Variants in CNKSR2 observed in about 807,000 individuals in gnomAD.
CNKSR2 encodes connector enhancer of kinase suppressor of Ras 2.
A neutral mutation model predicts 84.4 loss-of-function variants in CNKSR2; 14 were observed. That is an observed-to-expected ratio of 0.17 (90% CI 0.11 to 0.26). The LOEUF (loss-of-function observed/expected upper bound fraction) is 0.26. Ranked by LOEUF, CNKSR2 falls within the 10% of genes least tolerant of loss-of-function variation. The pLI, the probability that CNKSR2 is intolerant of heterozygous loss-of-function variation, is 1.00. For synonymous variants in CNKSR2, 275 were observed against 277.9 expected, an observed-to-expected ratio of 0.99 and a Z score of 0.10; for missense variants, 485 against 771.2, an observed-to-expected ratio of 0.63 and a Z score of 4.40.
intron 1 of CNKSR2, among the ~76,000 whole-genome samples, chrX:21,395,485 G>A (rs998552410): frequency 6.4e-5 from 7 of 109,575 alleles, no homozygotes; most frequent in African/African-American, 1.7e-4. Flanking sequence ...TGGGATGATC[G>A]GCTCTGAGCC....
chrX:21,509,650 A>C (rs748012786), intron 8 of CNKSR2, among the ~76,000 whole-genome samples: 1 of 111,916 alleles, frequency 8.9e-6, no homozygotes, highest in South Asian at 3.7e-4. Context: ...TGTTCAGTGA[A>C]TAAATGACTG....
At chrX:21,541,507 T>G (rs759407338) in intron 11 of CNKSR2, among the ~76,000 whole-genome samples, 22 of 111,717 alleles carry the variant, frequency 2.0e-4, no homozygotes, top group Admixed American at 1.4e-3. Flanking sequence ...AAACTGGGAC[T>G]TTAAGCAAAA....
chrX:21,563,341 G>A lies in CNKSR2; in HGVS notation c.1497G>A (p.Lys499=), dbSNP rs144866575. ...KKDTGKKSKK[K]GDKSNSPTHY... The stretch of plus-strand genomic sequence containing the variant: ...ACACAGGGAAGAAGTCAAAAAAGAA[G>A]GGTGATAAGAGTAATAGCCCAACTC... Residue 499 remains lysine, a synonymous_variant, in exon 13 of 22, where the codon AAG becomes AAA. Transcript: ENST00000379510. The A allele has an allele frequency of 6.7e-4, 806 of 1,208,145 alleles. 2 individuals are homozygous for A. In the African/African-American group the frequency reaches 0.013, roughly 19 times the overall value.
intron 11 of CNKSR2, among the ~76,000 whole-genome samples, chrX:21,540,642 T>C (rs185131826): frequency 1.3e-4 from 15 of 112,288 alleles, no homozygotes; most frequent in African/African-American, 4.8e-4. Context: ...GTAAGTCTTT[T>C]ATCCTTAGAG....
At chrX:21,421,067 G>C (rs1188565969) in intron 1 of CNKSR2, among the ~76,000 whole-genome samples, 1 of 111,421 alleles carries the variant, frequency 9.0e-6, no homozygotes, top group African/African-American at 3.3e-5. Context: ...CCAACTGCCA[G>C]GATTGATGAT....
intron 8 of CNKSR2, among the ~76,000 whole-genome samples, chrX:21,509,987 C>T (rs887270602): frequency 1.8e-5 from 2 of 111,321 alleles, no homozygotes; most frequent in Non-Finnish European, 3.8e-5. Context: ...TATGTCAGCA[C>T]CAAAAAATTT....
chrX:21,446,047 A>G (rs2090850276), intron 4 of CNKSR2, among the ~76,000 whole-genome samples: 1 of 111,781 alleles, frequency 8.9e-6, no homozygotes, highest in African/African-American at 3.2e-5. Flanking sequence ...ACAAATTTAC[A>G]TTCATACCAA....
intron 1 of CNKSR2, chrX:21,424,294 C>G (rs1372795706): frequency 8.9e-6 from 1 of 111,929 alleles, no homozygotes; most frequent in Non-Finnish European, 1.9e-5. Context: ...TTCTCTTTGC[C>G]TTATTCTAAT....
intron 17 of CNKSR2, among the ~76,000 whole-genome samples, chrX:21,598,897 A>C (rs1290587307): frequency 1.8e-5 from 2 of 112,586 alleles, no homozygotes; most frequent in Admixed American, 1.9e-4. Context: ...AATAACCTAA[A>C]ATATTAAATT....
At chrX:21,623,258 A>G (rs1002849316) in intron 20 of CNKSR2, among the ~76,000 whole-genome samples, 17 of 111,363 alleles carry the variant, frequency 1.5e-4, no homozygotes, top group African/African-American at 5.5e-4. Context: ...TTGCATTCAG[A>G]CTTCTTCATT....
chrX:21,589,132 T>C (rs1333798855), intron 13 of CNKSR2, among the ~76,000 whole-genome samples: 1 of 111,931 alleles, frequency 8.9e-6, no homozygotes, highest in African/African-American at 3.2e-5. Context: ...TGTATGTGTG[T>C]ACACACACAC....
intron 1 of CNKSR2, among the ~76,000 whole-genome samples, chrX:21,411,734 C>T (rs2090348441): frequency 9.0e-6 from 1 of 111,139 alleles, no homozygotes; most frequent in Non-Finnish European, 1.9e-5. Flanking sequence ...GGTCAAATCA[C>T]CATATTATGG....
rs183187664 is a variant in CNKSR2 at position 21,586,562 on chromosome X, G to A, written c.1609-4010G>A. Among the ~76,000 whole-genome samples, 19 of 111,526 alleles carry A rather than the reference G, an allele frequency of 1.7e-4. No individual in the cohort carries two copies. The South Asian group carries it at 1.9e-3, about 11-fold the overall frequency. On this transcript the variant is annotated intron_variant, in intron 13 of 21. Coordinates refer to ENST00000379510, the MANE Select transcript of CNKSR2 (RefSeq NM_014927.5). ...TCCACCCAAGCTAAAATTCCAAAGC[G>A]TCTAGAGAAAATTAATACTTTTTTA... is the stretch of plus-strand genomic sequence containing the variant.
intron 1 of CNKSR2, among the ~76,000 whole-genome samples, chrX:21,403,692 C>T (rs777618937): frequency 6.3e-5 from 7 of 111,574 alleles, no homozygotes; most frequent in Non-Finnish European, 1.3e-4. Flanking sequence ...GCTCATTATG[C>T]CAGCATGTAT....
chrX:21,487,166 C>G (rs1248835362), intron 5 of CNKSR2, among the ~76,000 whole-genome samples: 1 of 112,007 alleles, frequency 8.9e-6, no homozygotes, highest in African/African-American at 3.2e-5. Flanking sequence ...TTCCTAGCAG[C>G]ACCTAGCACA....
chrX:21,464,224 G>A (rs756226815), intron 4 of CNKSR2, among the ~76,000 whole-genome samples: 2 of 112,075 alleles, frequency 1.8e-5, no homozygotes, highest in South Asian at 3.7e-4. Context: ...GTTCAGTTTT[G>A]TTTTCTGCTA....
intron 8 of CNKSR2, among the ~76,000 whole-genome samples, chrX:21,512,828 A>G (rs747625245): frequency 1.1e-4 from 12 of 111,720 alleles, no homozygotes; most frequent in Non-Finnish European, 1.7e-4. Context: ...AAAGTCTTGT[A>G]TTCATGTAAG....
intron 15 of CNKSR2, chrX:21,591,810 C>T (rs1324277150): frequency 3.6e-5 from 4 of 111,079 alleles, no homozygotes; most frequent in Non-Finnish European, 7.6e-5. Flanking sequence ...AAACTTATTA[C>T]GTATCTTGAC....
At chrX:21,410,206 A>G in intron 1 of CNKSR2, among the ~76,000 whole-genome samples, 1 of 110,976 alleles carries the variant, frequency 9.0e-6, no homozygotes, top group Non-Finnish European at 1.9e-5. Flanking sequence ...CTCAGGCCAC[A>G]CTCCAACTAA....
Sources: gnomAD v4.1 joint callset for allele counts (sites outside exome capture counted in the v4.1 genomes callset) on GRCh38, gnomAD v4.1.1 for gene constraint, MANE v1.5 for transcripts, NCBI Gene and HGNC (gene_info 2026-07-23, HGNC 2026-07-21) for gene names.